The following FGFR2 variants were observed in gnomAD, a reference collection of about 807,000 sequenced individuals.
FGFR2 encodes fibroblast growth factor receptor 2.
FGFR2 carries 19 observed loss-of-function variants against 95.9 expected under a neutral mutation model. That is an observed-to-expected ratio of 0.20 (90% CI 0.14 to 0.29). The LOEUF (loss-of-function observed/expected upper bound fraction) is 0.29, where lower values mean the gene tolerates loss of function less well. Ranked by LOEUF, FGFR2 falls within the 10% of genes least tolerant of loss-of-function variation. The pLI is 1.00. For synonymous variants in FGFR2, 392 were observed against 393.3 expected, an observed-to-expected ratio of 1.00 and a Z score of 0.04; for missense variants, 707 against 1,056.9, an observed-to-expected ratio of 0.67 and a Z score of 4.59.
At chr10:121,562,222 C>T (rs1277903735) in intron 4 of FGFR2, among the ~76,000 whole-genome samples, 7 of 152,126 alleles carry the variant, frequency 4.6e-5, no homozygotes, top group Admixed American at 2.0e-4. Flanking sequence ...CACAAAAACC[C>T]GCACAAAGAT....
chr10:121,574,645 C>T (rs1564720049), intron 2 of FGFR2, among the ~76,000 whole-genome samples: 1 of 152,120 alleles, frequency 6.6e-6, no homozygotes, highest in South Asian at 2.1e-4. Flanking sequence ...TACACAGCAA[C>T]GAAGACAGCC....
At chr10:121,482,662 A>C (rs1003207297) in intron 17 of FGFR2, among the ~76,000 whole-genome samples, 6 of 152,226 alleles carry the variant, frequency 3.9e-5, no homozygotes, top group Non-Finnish European at 8.8e-5. Context: ...TGGGTTTATC[A>C]TCTTTCCTGC....
At chr10:121,553,445 A>G (rs3135737) in intron 4 of FGFR2, among the ~76,000 whole-genome samples, 15,156 of 152,178 alleles carry the variant, frequency 0.1, 2,018 homozygotes, top group African/African-American at 0.3. Context: ...TACTGAAACA[A>G]TTTCAATAAA....
intron 4 of FGFR2, among the ~76,000 whole-genome samples, chr10:121,552,771 A>C (rs1855580885): frequency 6.6e-6 from 1 of 152,244 alleles, no homozygotes; most frequent in South Asian, 2.1e-4. Context: ...GCAAAGTAGT[A>C]ACCAAAATCC....
chr10:121,577,178 T>TAGAGAG (rs1169688456), intron 2 of FGFR2, among the ~76,000 whole-genome samples: 166 of 5,200 alleles, frequency 0.032, 15 homozygotes, highest in South Asian at 0.1. Flanking sequence ...TATATATATA[T>TAGAGAG]AGAGAGAGAG....
At chr10:121,515,505 C>G (rs1459064165) in intron 8 of FGFR2, among the ~76,000 whole-genome samples, 186 bp from the exon 9 acceptor site, 1 of 152,028 alleles carries the variant, frequency 6.6e-6, no homozygotes, top group Non-Finnish European at 1.5e-5. Flanking sequence ...CACCAGGACC[C>G]AGGTAGTCAC....
chr10:121,561,621 T>C (rs527612157), intron 4 of FGFR2, among the ~76,000 whole-genome samples: 2 of 152,236 alleles, frequency 1.3e-5, no homozygotes, highest in Admixed American at 6.5e-5. Flanking sequence ...GGAGAAAATC[T>C]AGATGACCTT....
At chr10:121,586,382 A>G (rs868338782) in intron 2 of FGFR2, among the ~76,000 whole-genome samples, 7 of 152,214 alleles carry the variant, frequency 4.6e-5, no homozygotes, top group South Asian at 2.1e-4. Flanking sequence ...CTGAAACTCT[A>G]TATGTGTGCA....
At chr10:121,508,171 G>A (rs973013538) in intron 9 of FGFR2, among the ~76,000 whole-genome samples, 1 of 152,168 alleles carries the variant, frequency 6.6e-6, no homozygotes, top group East Asian at 1.9e-4. Context: ...ACCAAGCGAC[G>A]ATTGTACTGT....
chr10:121,585,007 A>T (rs775979323), intron 2 of FGFR2, among the ~76,000 whole-genome samples: 4 of 151,224 alleles, frequency 2.6e-5, no homozygotes, highest in Non-Finnish European at 4.4e-5. Context: ...CCCCTCTCCA[A>T]TGTTCTTCGC....
At chr10:121,554,121 A>T (rs1855779707) in intron 4 of FGFR2, among the ~76,000 whole-genome samples, 1 of 152,214 alleles carries the variant, frequency 6.6e-6, no homozygotes, top group African/African-American at 2.4e-5. Context: ...ACAGCCATAC[A>T]GCAGGGTACG....
At chr10:121,555,327 C>A (rs553388071) in intron 4 of FGFR2, among the ~76,000 whole-genome samples, 1 of 152,230 alleles carries the variant, frequency 6.6e-6, no homozygotes, top group East Asian at 1.9e-4. Context: ...GAGCCGAGAT[C>A]ATGCCATTGC....
At chr10:121,541,001 G>A (rs988449335) in intron 5 of FGFR2, among the ~76,000 whole-genome samples, 1 of 152,016 alleles carries the variant, frequency 6.6e-6, no homozygotes, top group African/African-American at 2.4e-5. Flanking sequence ...TTAACCCCAG[G>A]GGATATGGTC....
intron 8 of FGFR2, 41 bp from the exon 9 acceptor site, chr10:121,515,360 CAT>C (rs1338660073): frequency 1.9e-6 from 3 of 1,589,748 alleles, no homozygotes; most frequent in Non-Finnish European, 2.6e-6. Context: ...ATAAGCAGGC[CAT>C]AGAGTTAGCA....
intron 6 of FGFR2, among the ~76,000 whole-genome samples, chr10:121,534,097 T>G (rs1225977541): frequency 5.6e-5 from 8 of 142,492 alleles, no homozygotes; most frequent in Admixed American, 5.5e-4. Flanking sequence ...ATGGCTTTTT[T>G]TTTTTTTTTT....
At chr10:121,581,141 G>A (rs1860798319) in intron 2 of FGFR2, among the ~76,000 whole-genome samples, 1 of 152,210 alleles carries the variant, frequency 6.6e-6, no homozygotes, top group African/African-American at 2.4e-5. Flanking sequence ...ATACGGCCTG[G>A]AGGCCGCCGG....
rs1849986895 is a variant in FGFR2, at chr10:121,518,393, G to A, written c.940-930C>T. On this transcript the variant is annotated intron_variant, in intron 7 of 17. Coordinates refer to ENST00000358487, the MANE Select transcript of FGFR2 (RefSeq NM_000141.5). The surrounding 1 kb of genome is among the most constrained non-coding windows in gnomAD (Gnocchi z 4.0). ...TGGTGTTAATGTGCAGTAATGATGG[G>A]AAATGTGCAGCCTAAACAAGATCAA... 6.6e-6 allele frequency among the ~76,000 whole-genome samples: 1 copy of A among 152,184 alleles called. No homozygotes were observed. The highest frequency in any genetic ancestry group is 2.4e-5 in the African/African-American group (1 of 41,452).
intron 2 of FGFR2, among the ~76,000 whole-genome samples, chr10:121,592,867 C>T (rs903492674): frequency 3.3e-5 from 5 of 152,108 alleles, no homozygotes; most frequent in African/African-American, 4.8e-5. Context: ...GATTACCACT[C>T]GAAAAATAAC....
Position 121,517,297 on chromosome 10 carries a change from A to G in FGFR2, c.1084+22T>C, listed in dbSNP as rs1361788943. The stretch of plus-strand genomic sequence containing the variant: ...CAACCAAGAAAAGGGAAAAAAACCC[A>G]GAGAGAAAGAACAGTATATACCTGG... On this transcript the variant is annotated intron_variant, in intron 8 of 17. Coordinates refer to ENST00000358487, the MANE Select transcript of FGFR2 (RefSeq NM_000141.5). This position sits in a 1 kb window ranked among gnomAD's most constrained non-coding sequence, Gnocchi z 4.7. 6 of 1,613,984 alleles carry G rather than the reference A, an allele frequency of 3.7e-6. No individual in the cohort carries two copies. The highest frequency in any genetic ancestry group is 1.3e-5 in the African/African-American group (1 of 75,072).
Sources: allele counts gnomAD v4.1 joint callset (sites outside exome capture counted in the v4.1 genomes callset), GRCh38; gene constraint gnomAD v4.1.1; non-coding constraint Gnocchi (gnomAD v3.1); transcripts MANE v1.5; gene names NCBI Gene and HGNC (gene_info 2026-07-23, HGNC 2026-07-21).